SNX29: variants seen among roughly 807,000 people sequenced by gnomAD.
SNX29 encodes the protein sorting nexin-29.
A neutral mutation model predicts 102.1 loss-of-function variants in SNX29; 78 were observed. That is an observed-to-expected ratio of 0.76 (90% CI 0.64 to 0.92). SNX29 has a LOEUF of 0.92. SNX29 is among the 40% of genes least tolerant of loss of function. The probability of loss-of-function intolerance (pLI) is 0.00; values close to 1 mark genes in which losing one functional copy is unlikely to be tolerated. For missense variants in SNX29, 1,280 were observed against 1,061.7 expected, an observed-to-expected ratio of 1.21 and a Z score of -2.86; for synonymous variants, 580 against 414.5, an observed-to-expected ratio of 1.40 and a Z score of -4.85.
intron 20 of SNX29, among the ~76,000 whole-genome samples, chr16:12,567,446 A>T (rs1350594445): frequency 6.6e-6 from 1 of 152,210 alleles, no homozygotes; most frequent in Non-Finnish European, 1.5e-5. Context: ...TCCTAGCCCC[A>T]GAATTTATGT....
intron 18 of SNX29, among the ~76,000 whole-genome samples, chr16:12,430,386 A>C (rs1047173851): frequency 6.6e-6 from 1 of 152,198 alleles, no homozygotes; most frequent in Non-Finnish European, 1.5e-5. Context: ...GGACACTTAC[A>C]TCAGTTGCTG....
At chr16:12,437,283 C>G (rs916393870) in intron 18 of SNX29, among the ~76,000 whole-genome samples, 9 of 152,180 alleles carry the variant, frequency 5.9e-5, no homozygotes, top group Admixed American at 2.0e-4. Context: ...TTCTCTTTCT[C>G]TCTTTCACCT....
intron 17 of SNX29, 83 bp downstream of exon 17, chr16:12,398,584 G>A: frequency 6.7e-7 from 1 of 1,501,526 alleles, no homozygotes. Context: ...ACCACAGGGG[G>A]AAACAGAAAT....
At chr16:12,056,765 G>T (rs542981799) in intron 8 of SNX29, among the ~76,000 whole-genome samples, 9 of 152,220 alleles carry the variant, frequency 5.9e-5, no homozygotes, top group Admixed American at 1.3e-4. Context: ...TCTTTACAAG[G>T]GATAGTATTT....
chr16:12,156,306 T>C (rs894793887), intron 13 of SNX29, among the ~76,000 whole-genome samples: 4 of 152,250 alleles, frequency 2.6e-5, no homozygotes, highest in Non-Finnish European at 4.4e-5. Context: ...CCTGAGTAGC[T>C]GGGACTACAG....
chr16:12,047,858 T>C (rs1476441073), intron 6 of SNX29, among the ~76,000 whole-genome samples: 5 of 152,016 alleles, frequency 3.3e-5, no homozygotes, highest in Non-Finnish European at 7.4e-5. Flanking sequence ...GGTTTCTCCA[T>C]GTTGGTCAGG....
chr16:12,196,706 C>T (rs537008625), intron 13 of SNX29, among the ~76,000 whole-genome samples: 11 of 150,972 alleles, frequency 7.3e-5, no homozygotes, highest in South Asian at 2.1e-4. Context: ...CTGCAAGCTC[C>T]GCCTCCCAGG....
intron 10 of SNX29, among the ~76,000 whole-genome samples, chr16:12,076,700 C>T (rs1284084423): frequency 6.6e-6 from 1 of 152,210 alleles, no homozygotes; most frequent in African/African-American, 2.4e-5. Context: ...CCACTGCCAT[C>T]CTTGCTGCTA....
chr16:12,487,240 C>CA (rs2088288669), intron 19 of SNX29, among the ~76,000 whole-genome samples: 5 of 152,178 alleles, frequency 3.3e-5, no homozygotes, highest in Non-Finnish European at 4.4e-5. Flanking sequence ...AGCAGACACA[C>CA]ACGTGCGTTC....
chr16:12,362,116 A>C (rs2082317190), intron 16 of SNX29, among the ~76,000 whole-genome samples: 1 of 152,250 alleles, frequency 6.6e-6, no homozygotes, highest in African/African-American at 2.4e-5. Flanking sequence ...CACGAGTAGA[A>C]TTGTTGTTCA....
chr16:12,488,952 C>G (rs550337927), intron 19 of SNX29, among the ~76,000 whole-genome samples: 1 of 152,270 alleles, frequency 6.6e-6, no homozygotes, highest in East Asian at 1.9e-4. Flanking sequence ...GACAACTTGA[C>G]TCCGTTGGGC....
At chr16:12,558,709 C>T (rs899364077) in intron 20 of SNX29, among the ~76,000 whole-genome samples, 1 of 152,130 alleles carries the variant, frequency 6.6e-6, no homozygotes, top group African/African-American at 2.4e-5. Flanking sequence ...CATCCCGTTT[C>T]TACGGGGGGC....
intron 19 of SNX29, among the ~76,000 whole-genome samples, chr16:12,492,510 G>A (rs965370183): frequency 1.9e-4 from 29 of 152,172 alleles, no homozygotes; most frequent in African/African-American, 6.5e-4. Context: ...AGTTTCTTTT[G>A]CTGTGCAGAA....
rs76553387 is a variant in SNX29 at position 12,490,354 on chromosome 16, C to T, written c.2178+12495C>T. ...TCTCAGCATCACATCTGTGAGCTTC[C>T]TCCATGTTGTTGCAAGTAGCAATTG... On this transcript the variant is annotated intron_variant, in intron 19 of 20. Transcript: ENST00000566228. Among the ~76,000 whole-genome samples the T allele has an allele frequency of 5.1e-3, 772 of 152,334 alleles. 7 individuals carry two copies. Among genetic ancestry groups the T allele is most frequent in the African/African-American group, 0.017 (720 of 41,578 alleles).
chr16:12,334,006 T>A (rs1359243770), intron 15 of SNX29, among the ~76,000 whole-genome samples: 1 of 152,154 alleles, frequency 6.6e-6, no homozygotes, highest in Admixed American at 6.5e-5. Flanking sequence ...CTGATGGGTG[T>A]GTTTGTTAAA....
intron 20 of SNX29, among the ~76,000 whole-genome samples, chr16:12,563,382 A>G (rs1272814876): frequency 1.3e-5 from 2 of 152,152 alleles, no homozygotes; most frequent in African/African-American, 4.8e-5. Context: ...TTGATATTTT[A>G]CCCGTAACCA....
intron 20 of SNX29, among the ~76,000 whole-genome samples, chr16:12,550,141 C>T (rs915490654): frequency 4.6e-5 from 7 of 152,200 alleles, no homozygotes; most frequent in African/African-American, 1.4e-4. Context: ...AAGGGAATAC[C>T]TTCCATACCG....
chr16:12,059,966 G>A (rs2050702110), intron 8 of SNX29, among the ~76,000 whole-genome samples: 1 of 152,034 alleles, frequency 6.6e-6, no homozygotes. Flanking sequence ...CCCTTTGTCT[G>A]CCCCCGCACT....
At chr16:11,990,123 G>A (rs1312076766) in intron 1 of SNX29, among the ~76,000 whole-genome samples, 1 of 152,226 alleles carries the variant, frequency 6.6e-6, no homozygotes, top group Non-Finnish European at 1.5e-5. Flanking sequence ...AGGTAGATGT[G>A]AGGGTTAAAC....
Sources: gnomAD v4.1 joint callset for allele counts (sites outside exome capture counted in the v4.1 genomes callset) on GRCh38, gnomAD v4.1.1 for gene constraint, MANE v1.5 for transcripts, NCBI Gene and HGNC (gene_info 2026-07-23, HGNC 2026-07-21) for gene names.